UNC5C: variants seen among roughly 807,000 people sequenced by gnomAD.
UNC5C encodes unc-5 netrin receptor C, also known as netrin receptor UNC5C.
UNC5C carries 47 observed loss-of-function variants against 99.8 expected under a neutral mutation model. The ratio of observed to expected loss-of-function variants is 0.47; its 90% CI spans 0.37 to 0.60. UNC5C has a LOEUF of 0.60. Among genes scored for constraint, UNC5C ranks in the 20% least tolerant of loss-of-function variants. The pLI is 0.00. For synonymous variants in UNC5C, 487 were observed against 452.2 expected, an observed-to-expected ratio of 1.08 and a Z score of -0.98; for missense variants, 1,062 against 1,165.9, an observed-to-expected ratio of 0.91 and a Z score of 1.30.
chr4:95,432,669 T>C (rs1437632775), intron 1 of UNC5C, among the ~76,000 whole-genome samples: 1 of 152,058 alleles, frequency 6.6e-6, no homozygotes, highest in Non-Finnish European at 1.5e-5. Context: ...TAGAGCCAAT[T>C]AAATACCCCT....
chr4:95,497,458 G>T (rs1267045062), intron 1 of UNC5C, among the ~76,000 whole-genome samples: 1 of 151,874 alleles, frequency 6.6e-6, no homozygotes, highest in Non-Finnish European at 1.5e-5. Context: ...AAAGATCCCT[G>T]TTTATTCAAT....
intron 1 of UNC5C, among the ~76,000 whole-genome samples, chr4:95,500,905 A>G (rs1721760460): frequency 6.6e-6 from 1 of 152,084 alleles, no homozygotes; most frequent in Admixed American, 6.6e-5. Flanking sequence ...TGGGCATATC[A>G]TGTGCTATTA....
chr4:95,179,002 A>C (rs1259661459), intron 14 of UNC5C, among the ~76,000 whole-genome samples: 1 of 152,190 alleles, frequency 6.6e-6, no homozygotes, highest in African/African-American at 2.4e-5. Context: ...TTCTTCCTTT[A>C]CTTCCAGGTA....
intron 9 of UNC5C, 56 bp downstream of exon 9, chr4:95,218,913 G>A (rs1738355349): frequency 6.7e-7 from 1 of 1,497,510 alleles, no homozygotes; most frequent in African/African-American, 1.4e-5. Context: ...AAAGATTTTG[G>A]TATGGAAAAA....
chr4:95,431,905 A>G (rs554771540), intron 1 of UNC5C, among the ~76,000 whole-genome samples: 19 of 152,274 alleles, frequency 1.2e-4, no homozygotes, highest in Middle Eastern at 6.8e-3. Context: ...AATACTTGCC[A>G]CAGGCATGAT....
chr4:95,421,771 T>C (rs997348949), intron 1 of UNC5C, among the ~76,000 whole-genome samples: 1 of 152,228 alleles, frequency 6.6e-6, no homozygotes, highest in Non-Finnish European at 1.5e-5. Flanking sequence ...TACTGTGTTT[T>C]TGAGAGCACT....
intron 7 of UNC5C, among the ~76,000 whole-genome samples, chr4:95,241,395 GAT>G (rs1739326575): frequency 6.6e-6 from 1 of 152,160 alleles, no homozygotes; most frequent in African/African-American, 2.4e-5. Context: ...TTTTAAGTAA[GAT>G]ATCTTTCTAA....
At chr4:95,277,131 T>A (rs1293977194) in intron 4 of UNC5C, among the ~76,000 whole-genome samples, 1 of 152,216 alleles carries the variant, frequency 6.6e-6, no homozygotes, top group Non-Finnish European at 1.5e-5. Context: ...AATTGCTTTA[T>A]GGACTATGTT....
intron 12 of UNC5C, among the ~76,000 whole-genome samples, chr4:95,201,789 A>T (rs577776445): frequency 9.2e-5 from 14 of 152,142 alleles, no homozygotes; most frequent in African/African-American, 3.1e-4. Context: ...TATTTTTAGT[A>T]GAGACGGGGT....
chr4:95,492,009 T>A (rs1306486949), intron 1 of UNC5C, among the ~76,000 whole-genome samples: 1 of 151,544 alleles, frequency 6.6e-6, no homozygotes, highest in Non-Finnish European at 1.5e-5. Flanking sequence ...ATCTAATTAC[T>A]ATTTATTGTG....
At chr4:95,386,744 G>T (rs1198923783) in intron 1 of UNC5C, among the ~76,000 whole-genome samples, 1 of 152,102 alleles carries the variant, frequency 6.6e-6, no homozygotes, top group East Asian at 1.9e-4. Context: ...GTTCACCTTT[G>T]CTGGGAAGAA....
At chr4:95,476,791 G>T (rs984209520) in intron 1 of UNC5C, among the ~76,000 whole-genome samples, 1 of 151,642 alleles carries the variant, frequency 6.6e-6, no homozygotes, top group Admixed American at 6.6e-5. Flanking sequence ...AACTCTATTA[G>T]GTGTATACTA....
intron 7 of UNC5C, among the ~76,000 whole-genome samples, chr4:95,242,034 C>T (rs1333854759): frequency 6.6e-6 from 1 of 152,162 alleles, no homozygotes; most frequent in East Asian, 1.9e-4. Flanking sequence ...CTATTTTACA[C>T]TCCATGGACA....
chr4:95,310,218 T>C (rs924847763), intron 2 of UNC5C, among the ~76,000 whole-genome samples: 4 of 152,090 alleles, frequency 2.6e-5, no homozygotes, highest in Admixed American at 6.6e-5. Context: ...ATCACACTTA[T>C]ATGTGGATTC....
intron 1 of UNC5C, among the ~76,000 whole-genome samples, chr4:95,399,607 T>C (rs1304919233): frequency 6.6e-6 from 1 of 152,236 alleles, no homozygotes; most frequent in Non-Finnish European, 1.5e-5. Context: ...CCGAAAGACC[T>C]AATTGTTCCT....
At chr4:95,319,486 G>A (rs1281580382) in intron 2 of UNC5C, among the ~76,000 whole-genome samples, 1 of 152,176 alleles carries the variant, frequency 6.6e-6, no homozygotes, top group African/African-American at 2.4e-5. Flanking sequence ...TTTCCTACAT[G>A]CTGTGCTTAC....
intron 9 of UNC5C, among the ~76,000 whole-genome samples, 181 bp downstream of exon 9, chr4:95,218,787 GA>G (rs1738351728): frequency 6.6e-6 from 1 of 152,166 alleles, no homozygotes; most frequent in African/African-American, 2.4e-5. Context: ...GTTGGAGGAA[GA>G]GAAATGGTTT....
intron 1 of UNC5C, among the ~76,000 whole-genome samples, chr4:95,403,865 C>A (rs569398143): frequency 1.7e-4 from 26 of 152,306 alleles, no homozygotes; most frequent in Middle Eastern, 3.4e-3. Flanking sequence ...TCCGAAGAGG[C>A]CAGTGTGGCT....
At chr4:95,486,438 A>G (rs1026476298) in intron 1 of UNC5C, among the ~76,000 whole-genome samples, 2 of 118,676 alleles carry the variant, frequency 1.7e-5, no homozygotes, top group Admixed American at 1.8e-4. Context: ...TCTTCTTGAC[A>G]TTTCTACTGT....
Sources: gnomAD v4.1 joint callset for allele counts (sites outside exome capture counted in the v4.1 genomes callset) on GRCh38, gnomAD v4.1.1 for gene constraint, MANE v1.5 for transcripts, NCBI Gene and HGNC (gene_info 2026-07-23, HGNC 2026-07-21) for gene names.